Variants in KCNMA1 observed in about 807,000 individuals in gnomAD.
KCNMA1 encodes Calcium-activated potassium channel subunit alpha-1.
KCNMA1 carries 29 observed loss-of-function variants against 140.0 expected under a neutral mutation model. The ratio of observed to expected loss-of-function variants is 0.21; its 90% confidence interval spans 0.15 to 0.28. The LOEUF is 0.28. KCNMA1 is among the 10% of genes least tolerant of loss of function. The probability of loss-of-function intolerance (pLI) is 1.00; values close to 1 mark genes in which losing one functional copy is unlikely to be tolerated. For synonymous variants in KCNMA1, 612 were observed against 611.9 expected, an observed-to-expected ratio of 1.00 and a Z score of 0.00; for missense variants, 880 against 1,602.2, an observed-to-expected ratio of 0.55 and a Z score of 7.70.
chr10:77,438,922 C>A (rs993645647), intron 1 of KCNMA1, among the ~76,000 whole-genome samples: 1 of 151,838 alleles, frequency 6.6e-6, no homozygotes, highest in East Asian at 1.9e-4. Flanking sequence ...ACTAAAAATA[C>A]AAAAATTAGC....
chr10:77,616,999 G>T (rs1056646252), intron 1 of KCNMA1, among the ~76,000 whole-genome samples: 1 of 152,176 alleles, frequency 6.6e-6, no homozygotes, highest in Non-Finnish European at 1.5e-5. Context: ...TGTCCCTGAT[G>T]ACCACACTGA....
At chr10:77,506,596 A>AGAGAGAGAGAGGGTGT in intron 1 of KCNMA1, among the ~76,000 whole-genome samples, 2 of 83,532 alleles carry the variant, frequency 2.4e-5, no homozygotes, top group African/African-American at 7.5e-5. Context: ...AGAGAGAGAG[A>AGAGAGAGAGAGGGTGT]GTGTGTGTGT....
At chr10:77,029,540 T>C (rs184101016) in intron 15 of KCNMA1, among the ~76,000 whole-genome samples, 8 of 152,280 alleles carry the variant, frequency 5.3e-5, no homozygotes, top group African/African-American at 1.7e-4. Flanking sequence ...CTATTTTGTA[T>C]TGGGAGAGAC....
chr10:76,905,397 C>A lies in KCNMA1; in HGVS notation c.3147+4569G>T, dbSNP rs113705181. The stretch of plus-strand genomic sequence containing the variant: ...GCATTAGGAGGAAGCTGGTGGCTTT[C>A]AGAAGAAGGAGGATCCTCTCGCCAA... On this transcript the variant is annotated intron_variant, in intron 25 of 27. Transcript: ENST00000286628. Among the ~76,000 whole-genome samples the A allele has an allele frequency of 1.3e-3, 191 of 152,322 alleles. 1 individual carries two copies. Among genetic ancestry groups the A allele is most frequent in the African/African-American group, 4.3e-3 (177 of 41,578 alleles).
intron 2 of KCNMA1, among the ~76,000 whole-genome samples, chr10:77,252,714 T>C (rs1344768487): frequency 6.6e-6 from 1 of 152,092 alleles, no homozygotes; most frequent in East Asian, 1.9e-4. Context: ...CAAAACTGCA[T>C]GGAGCTCCTG....
intron 19 of KCNMA1, among the ~76,000 whole-genome samples, chr10:76,980,812 G>C (rs920708976): frequency 2.0e-5 from 3 of 152,086 alleles, no homozygotes; most frequent in African/African-American, 4.8e-5. Context: ...TAAGGCATGG[G>C]ATATCCCTCC....
At chr10:77,314,932 ACACACAC>A in intron 2 of KCNMA1, among the ~76,000 whole-genome samples, 1 of 27,706 alleles carries the variant, frequency 3.6e-5, no homozygotes, top group South Asian at 1.1e-3. Context: ...CAACACACAC[ACACACAC>A]ACACACACAC....
At chr10:77,459,254 C>T (rs565051031) in intron 1 of KCNMA1, among the ~76,000 whole-genome samples, 59 of 152,352 alleles carry the variant, frequency 3.9e-4, no homozygotes, top group Non-Finnish European at 7.2e-4. Context: ...TGTTGAAGCA[C>T]CTCTGGATGC....
chr10:77,455,643 C>T (rs1036595856), intron 1 of KCNMA1, among the ~76,000 whole-genome samples: 1 of 152,162 alleles, frequency 6.6e-6, no homozygotes, highest in African/African-American at 2.4e-5. Context: ...GGGCTTGAGG[C>T]CACTACTCCC....
chr10:77,255,962 G>T (rs999352003), intron 2 of KCNMA1, among the ~76,000 whole-genome samples: 5 of 151,490 alleles, frequency 3.3e-5, no homozygotes, highest in African/African-American at 1.2e-4. Context: ...CAAAGAAGGA[G>T]CCTGGTGCAA....
Position 77,025,242 on chromosome 10 carries a change from G to GTATATA in KCNMA1, c.1928+2575_1928+2580dup, listed in dbSNP as rs1183311699. 5.7e-3 allele frequency among the ~76,000 whole-genome samples: 242 copies of GTATATA among 42,592 alleles called. 2 individuals are homozygous for GTATATA. Among genetic ancestry groups the GTATATA allele is most frequent in the Admixed American group, 0.022 (61 of 2,830 alleles). 27.9% of individuals were successfully genotyped at this position (42,592 alleles called of 152,430 possible). On this transcript the variant is annotated intron_variant, in intron 16 of 27. Coordinates refer to ENST00000286628, the MANE Select transcript of KCNMA1 (RefSeq NM_001161352.2). Reference sequence around the variant, plus strand: ...ACTCTAGTTGGAGAGGGGTGTGTGTGTATATATATATATATATATATATAT... The same window carrying GTATATA: ...ACTCTAGTTGGAGAGGGGTGTGTGTGTATATATATATATATATATATATATATATAT...
At chr10:77,224,229 A>T (rs2154193639) in intron 3 of KCNMA1, among the ~76,000 whole-genome samples, 1 of 152,348 alleles carries the variant, frequency 6.6e-6, no homozygotes, top group East Asian at 1.9e-4. Flanking sequence ...CTGATCAGCA[A>T]GGTGTGACCT....
At chr10:77,227,673 T>C (rs1428880351) in intron 3 of KCNMA1, among the ~76,000 whole-genome samples, 1 of 152,246 alleles carries the variant, frequency 6.6e-6, no homozygotes, top group Non-Finnish European at 1.5e-5. Flanking sequence ...AGTGTTATGC[T>C]ATTTTGCCCA....
intron 16 of KCNMA1, among the ~76,000 whole-genome samples, chr10:77,022,215 C>A (rs1215658754): frequency 6.6e-6 from 1 of 152,152 alleles, no homozygotes; most frequent in Non-Finnish European, 1.5e-5. Context: ...GTGCGCCACT[C>A]TGAATCAGTT....
chr10:76,972,814 A>G (rs2076436908), intron 19 of KCNMA1, among the ~76,000 whole-genome samples: 1 of 152,232 alleles, frequency 6.6e-6, no homozygotes, highest in African/African-American at 2.4e-5. Context: ...GGAGACCATT[A>G]CATATGGCTT....
At chr10:77,281,589 AC>A (rs1320397699) in intron 2 of KCNMA1, among the ~76,000 whole-genome samples, 2 of 152,112 alleles carry the variant, frequency 1.3e-5, no homozygotes, top group African/African-American at 4.8e-5. Context: ...GAGATCCAAT[AC>A]GATTGAGGAA....
chr10:77,098,173 A>T (rs892578539), intron 9 of KCNMA1, among the ~76,000 whole-genome samples: 2 of 152,182 alleles, frequency 1.3e-5, no homozygotes, highest in African/African-American at 4.8e-5. Context: ...TGTAGCCTAC[A>T]TGGAGCCTCA....
At position 77,573,391 on chromosome 10, in the gene KCNMA1, T is replaced by G. The variant is rs554296836; in HGVS notation, c.378+63874A>C. 2.0e-5 allele frequency among the ~76,000 whole-genome samples: 3 copies of G among 152,160 alleles called. No homozygotes were observed. In the South Asian group the frequency reaches 6.2e-4, roughly 32 times the overall value. ...GGAAGACTCTTAACAAAGCCTCAGG[T>G]GTAACAGCAGGGGCAGGCTGGGCAG... On this transcript the variant is annotated intron_variant, in intron 1 of 27. Coordinates refer to ENST00000286628, the MANE Select transcript of KCNMA1 (RefSeq NM_001161352.2).
chr10:76,990,047 C>G (rs190294377), intron 19 of KCNMA1, among the ~76,000 whole-genome samples: 1 of 152,280 alleles, frequency 6.6e-6, no homozygotes, highest in Non-Finnish European at 1.5e-5. Flanking sequence ...TGCAACCACT[C>G]TGTGAGATAG....
Sources: allele counts gnomAD v4.1 joint callset (sites outside exome capture counted in the v4.1 genomes callset), GRCh38; gene constraint gnomAD v4.1.1; transcripts MANE v1.5; gene names NCBI Gene and HGNC (gene_info 2026-07-23, HGNC 2026-07-21).